Variants in RAD50 observed in about 807,000 individuals in gnomAD.
The protein encoded by RAD50 is DNA repair protein RAD50.
A neutral mutation model predicts 168.8 loss-of-function variants in RAD50; 132 were observed. The observed-to-expected ratio is 0.78, with a 90% confidence interval of 0.68 to 0.90. The LOEUF is 0.90. RAD50 is among the 40% of genes least tolerant of loss of function. The pLI is 0.00. For missense variants in RAD50, 1,347 were observed against 1,534.4 expected (o/e 0.88, Z 2.04); for synonymous variants, 525 against 497.4 (o/e 1.06, Z -0.74).
At chr5:132,568,440 A>G (rs1291290177) in intron 2 of RAD50, among the ~76,000 whole-genome samples, 1 of 152,058 alleles carries the variant, frequency 6.6e-6, no homozygotes, top group Non-Finnish European at 1.5e-5. Context: ...AGATGGACAT[A>G]ATGTGTGGGA....
chr5:132,605,343 C>T (rs1022954655), intron 16 of RAD50, among the ~76,000 whole-genome samples: 2 of 152,010 alleles, frequency 1.3e-5, no homozygotes, highest in Non-Finnish European at 2.9e-5. Flanking sequence ...ATGCCCCGCC[C>T]CATTCTTCTC....
At chr5:132,564,453 G>A (rs960153520) in intron 2 of RAD50, among the ~76,000 whole-genome samples, 1 of 152,308 alleles carries the variant, frequency 6.6e-6, no homozygotes, top group East Asian at 1.9e-4. Flanking sequence ...ATGATTTAGA[G>A]TATTTGGTGG....
At chr5:132,602,149 A>T (rs570732599) in intron 13 of RAD50, among the ~76,000 whole-genome samples, 9 of 152,298 alleles carry the variant, frequency 5.9e-5, no homozygotes, top group South Asian at 2.1e-4. Flanking sequence ...TAATTAAAAA[A>T]TTTTAAAAAA....
chr5:132,635,474 A>T (rs1160680281), intron 21 of RAD50, among the ~76,000 whole-genome samples: 1 of 152,062 alleles, frequency 6.6e-6, no homozygotes. Flanking sequence ...GTAGTCATCA[A>T]CTCCATCCGA....
intron 5 of RAD50, among the ~76,000 whole-genome samples, chr5:132,581,810 C>A (rs1279060700): frequency 6.6e-6 from 1 of 152,100 alleles, no homozygotes; most frequent in African/African-American, 2.4e-5. Context: ...ATGAGTTGTC[C>A]TGATAACTCT....
intron 5 of RAD50, among the ~76,000 whole-genome samples, chr5:132,583,693 T>A (rs921278415): frequency 6.8e-6 from 1 of 146,086 alleles, no homozygotes; most frequent in African/African-American, 2.6e-5. Flanking sequence ...TTCATTCCTT[T>A]TTTTTTTTTT....
intron 5 of RAD50, among the ~76,000 whole-genome samples, chr5:132,581,770 G>T (rs751226607): frequency 2.0e-5 from 3 of 152,204 alleles, no homozygotes; most frequent in Non-Finnish European, 4.4e-5. Context: ...TCAATAGACA[G>T]AAGAGTGGAA....
intron 16 of RAD50, among the ~76,000 whole-genome samples, chr5:132,606,906 A>G (rs1387146031): frequency 6.6e-6 from 1 of 152,238 alleles, no homozygotes; most frequent in Non-Finnish European, 1.5e-5. Context: ...AAGGCCTTCG[A>G]TAAAATTCAA....
At chr5:132,559,258 A>G in intron 1 of RAD50, 26 bp from the exon 2 acceptor site, 4 of 1,581,128 alleles carry the variant, frequency 2.5e-6, no homozygotes, top group Non-Finnish European at 3.4e-6. Context: ...CTTATAACGA[A>G]ATAATGTAAT....
At chr5:132,558,986 A>G (rs1750070644) in intron 1 of RAD50, among the ~76,000 whole-genome samples, 1 of 152,218 alleles carries the variant, frequency 6.6e-6, no homozygotes, top group South Asian at 2.1e-4. Flanking sequence ...ACAATACAGT[A>G]CTTAACTGTT....
chr5:132,588,166 G>A (rs1750630679), intron 7 of RAD50, 77 bp downstream of exon 7: 1 of 1,493,960 alleles, frequency 6.7e-7, no homozygotes, highest in Non-Finnish European at 9.3e-7. Context: ...GAATCTCCAA[G>A]GACTTATGCT....
intron 2 of RAD50, among the ~76,000 whole-genome samples, chr5:132,564,932 T>C (rs191053926): frequency 2.5e-3 from 384 of 152,296 alleles, no homozygotes; most frequent in African/African-American, 8.6e-3. Context: ...AGTTGAGGCT[T>C]GGGAGCCTCC....
Position 132,591,367 on chromosome 5 carries a change from A to G in RAD50, c.1596A>G (p.Thr532=), listed in dbSNP as rs535683239. Residue 532 remains threonine, a synonymous_variant, in exon 10 of 25, where the codon ACA becomes ACG. Transcript: ENST00000378823. The part of the protein sequence containing the change: ...DQEMEQLNHH[T]TTRTQMEMLT... ...AGATGGAGCAGTTAAACCATCATAC[A>G]ACAACACGTACCCAAATGGAGATGC... 4.3e-6 allele frequency: 7 copies of G among 1,613,948 alleles called. No homozygotes were observed. Among genetic ancestry groups the G allele is most frequent in the Admixed American group, 1.7e-5 (1 of 60,020 alleles).
At chr5:132,608,132 A>G (rs933859014) in intron 16 of RAD50, among the ~76,000 whole-genome samples, 2 of 152,228 alleles carry the variant, frequency 1.3e-5, no homozygotes, top group African/African-American at 4.8e-5. Context: ...TTAAGGACAG[A>G]AGTGTTTTTA....
intron 2 of RAD50, among the ~76,000 whole-genome samples, chr5:132,560,596 A>G (rs1279316446): frequency 6.6e-6 from 1 of 152,192 alleles, no homozygotes; most frequent in African/African-American, 2.4e-5. Flanking sequence ...ACATCTACGA[A>G]ACTACTGTAC....
At chr5:132,571,789 T>G (rs984162831) in intron 2 of RAD50, among the ~76,000 whole-genome samples, 5 of 152,230 alleles carry the variant, frequency 3.3e-5, no homozygotes, top group Non-Finnish European at 5.9e-5. Context: ...TCCTGTCTGA[T>G]GAGATGCAGT....
intron 2 of RAD50, among the ~76,000 whole-genome samples, chr5:132,563,488 A>G (rs1038924652): frequency 1.3e-5 from 2 of 152,350 alleles, no homozygotes; most frequent in South Asian, 2.1e-4. Flanking sequence ...GGGTTGATTG[A>G]GCCTAGAAAA....
intron 12 of RAD50, 103 bp downstream of exon 12, chr5:132,595,147 C>G: frequency 1.6e-6 from 2 of 1,273,332 alleles, no homozygotes. Context: ...GTTATGGAGC[C>G]TAATGGCTTG....
chr5:132,568,969 A>C (rs1418572355), intron 2 of RAD50, among the ~76,000 whole-genome samples: 1 of 152,234 alleles, frequency 6.6e-6, no homozygotes, highest in African/African-American at 2.4e-5. Context: ...TGCTCAAAAA[A>C]CTTAACTGCA....
Sources: gnomAD v4.1 joint callset for allele counts (sites outside exome capture counted in the v4.1 genomes callset) on GRCh38, gnomAD v4.1.1 for gene constraint, MANE v1.5 for transcripts, NCBI Gene and HGNC (gene_info 2026-07-23, HGNC 2026-07-21) for gene names.